The following KLF12 variants were observed in gnomAD, a reference collection of about 807,000 sequenced individuals.
KLF12 encodes Krueppel-like factor 12.
KLF12 carries 9 observed loss-of-function variants against 37.8 expected under a neutral mutation model. The observed-to-expected ratio is 0.24, with a 90% CI of 0.14 to 0.42. KLF12 has a LOEUF of 0.42. Ranked by LOEUF, KLF12 falls within the 10% of genes least tolerant of loss-of-function variation. The pLI, the probability that KLF12 is intolerant of heterozygous loss-of-function variation, is 1.00. For synonymous variants in KLF12, 208 were observed against 202.1 expected, an observed-to-expected ratio of 1.03 and a Z score of -0.25; for missense variants, 411 against 516.0, an observed-to-expected ratio of 0.80 and a Z score of 1.97.
intron 3 of KLF12, among the ~76,000 whole-genome samples, chr13:73,865,085 A>G (rs1434724870): frequency 6.6e-6 from 1 of 152,180 alleles, no homozygotes; most frequent in Non-Finnish European, 1.5e-5. Flanking sequence ...GTCTATAATA[A>G]GTCAAATGTT....
chr13:74,119,992 A>G (rs908004163), intron 1 of KLF12, among the ~76,000 whole-genome samples: 11 of 152,186 alleles, frequency 7.2e-5, no homozygotes, highest in Non-Finnish European at 1.3e-4. Context: ...ACAAAAAAAA[A>G]AAGAATTTCA....
intron 5 of KLF12, among the ~76,000 whole-genome samples, chr13:73,807,962 T>C (rs979188014): frequency 1.3e-5 from 2 of 152,190 alleles, no homozygotes; most frequent in Non-Finnish European, 2.9e-5. Flanking sequence ...GCATTATGAA[T>C]GTTTGGAATG....
intron 4 of KLF12, among the ~76,000 whole-genome samples, chr13:73,841,795 A>G (rs1884749318): frequency 6.6e-6 from 1 of 152,286 alleles, no homozygotes; most frequent in South Asian, 2.1e-4. Context: ...CGCACCTCCC[A>G]GTACCACCAC....
the KLF12 span, among the ~76,000 whole-genome samples, chr13:74,178,939 T>C: frequency 6.6e-6 from 1 of 152,190 alleles, no homozygotes; most frequent in East Asian, 1.9e-4. Context: ...CCAGTTTCTT[T>C]TTACCTTTTA....
intron 3 of KLF12, among the ~76,000 whole-genome samples, chr13:73,869,962 T>C (rs554262933): frequency 3.3e-5 from 5 of 152,224 alleles, no homozygotes; most frequent in Non-Finnish European, 7.3e-5. Flanking sequence ...ATGGTTTTCA[T>C]GTCTAGCTTG....
the KLF12 span, among the ~76,000 whole-genome samples, chr13:74,201,147 A>T: frequency 6.6e-6 from 1 of 152,244 alleles, no homozygotes; most frequent in African/African-American, 2.4e-5. Flanking sequence ...TCCCAGATCA[A>T]ATAGAGAGCC....
rs575500534 is a variant in KLF12 at position 73,781,332 on chromosome 13, G to A, written c.807-16332C>T. 5.9e-5 allele frequency among the ~76,000 whole-genome samples: 9 copies of A among 152,258 alleles called. No individual in the cohort carries two copies. The East Asian group carries it at 7.7e-4, about 13-fold the overall frequency. The stretch of plus-strand genomic sequence containing the variant: ...CTTGTGATATTCACTTTATTGCAAC[G>A]TTTACTTCATTGCAGTGGTCTAGAA... On this transcript the variant is annotated intron_variant, in intron 5 of 7. Coordinates refer to ENST00000377669, the MANE Select transcript of KLF12 (RefSeq NM_007249.5).
chr13:73,943,646 G>A (rs1487958326), intron 3 of KLF12, among the ~76,000 whole-genome samples: 3 of 152,130 alleles, frequency 2.0e-5, no homozygotes, highest in Non-Finnish European at 4.4e-5. Flanking sequence ...ATGACACTGA[G>A]GTTATAGTCC....
chr13:73,697,872 G>A (rs1460336779), intron 7 of KLF12, among the ~76,000 whole-genome samples: 1 of 152,202 alleles, frequency 6.6e-6, no homozygotes, highest in East Asian at 1.9e-4. Context: ...AGATAAACTG[G>A]CTGGGTGTGG....
chr13:73,744,904 G>T (rs1878256924), intron 6 of KLF12, among the ~76,000 whole-genome samples: 1 of 152,154 alleles, frequency 6.6e-6, no homozygotes, highest in African/African-American at 2.4e-5. Context: ...TGTCAGAAAA[G>T]AACTCAACAT....
the KLF12 span, among the ~76,000 whole-genome samples, chr13:74,194,874 T>C: frequency 6.6e-6 from 1 of 152,236 alleles, no homozygotes; most frequent in African/African-American, 2.4e-5. Context: ...ATTCCTTTTA[T>C]GTAGATGCAG....
the KLF12 span, among the ~76,000 whole-genome samples, chr13:74,179,950 C>CT: frequency 6.6e-6 from 1 of 152,136 alleles, no homozygotes; most frequent in Non-Finnish European, 1.5e-5. Context: ...GAAGAAATAG[C>CT]TTACAGGAGA....
chr13:73,829,518 T>G (rs57332574), intron 4 of KLF12, among the ~76,000 whole-genome samples: 1 of 152,216 alleles, frequency 6.6e-6, no homozygotes, highest in Admixed American at 6.5e-5. Flanking sequence ...AATATATACA[T>G]GTCCACATAT....
At chr13:73,749,035 T>C (rs977943688) in intron 6 of KLF12, among the ~76,000 whole-genome samples, 8 of 152,188 alleles carry the variant, frequency 5.3e-5, no homozygotes, top group African/African-American at 1.9e-4. Flanking sequence ...GGTCATTTCC[T>C]ATAGAGTACC....
At chr13:73,806,688 C>G (rs968847158) in intron 5 of KLF12, among the ~76,000 whole-genome samples, 2 of 151,064 alleles carry the variant, frequency 1.3e-5, no homozygotes, top group Non-Finnish European at 2.9e-5. Context: ...ACTTCTGAGA[C>G]CTCTGGGGAG....
chr13:74,075,700 T>C (rs913040172), intron 1 of KLF12, among the ~76,000 whole-genome samples: 1 of 152,182 alleles, frequency 6.6e-6, no homozygotes, highest in African/African-American at 2.4e-5. Context: ...AGGAAACTCA[T>C]ACCTTTAAAC....
At chr13:73,803,513 C>A (rs1041328306) in intron 5 of KLF12, among the ~76,000 whole-genome samples, 14 of 152,108 alleles carry the variant, frequency 9.2e-5, no homozygotes, top group African/African-American at 3.1e-4. Context: ...ATCCTTCTTG[C>A]TTCACCACCA....
intron 5 of KLF12, among the ~76,000 whole-genome samples, chr13:73,803,864 T>A (rs1267644254): frequency 6.6e-6 from 1 of 151,832 alleles, no homozygotes; most frequent in Non-Finnish European, 1.5e-5. Context: ...TGTGGACACC[T>A]AAGTAACACT....
chr13:74,211,636 A>G, the KLF12 span, among the ~76,000 whole-genome samples: 5 of 152,212 alleles, frequency 3.3e-5, no homozygotes, highest in Non-Finnish European at 5.9e-5. Flanking sequence ...ATGAGGAGCC[A>G]TTGAATGTTT....
Sources: gnomAD v4.1 joint callset for allele counts (sites outside exome capture counted in the v4.1 genomes callset) on GRCh38, gnomAD v4.1.1 for gene constraint, MANE v1.5 for transcripts, NCBI Gene and HGNC (gene_info 2026-07-23, HGNC 2026-07-21) for gene names.